LRRC4C: variants seen among roughly 807,000 people sequenced by gnomAD.
LRRC4C encodes the protein leucine-rich repeat-containing protein 4C.
Under a neutral mutation model 33.6 loss-of-function variants are expected in LRRC4C, and 5 were observed. The ratio of observed to expected loss-of-function variants is 0.15; its 90% CI spans 0.08 to 0.31. The LOEUF is 0.31. Among genes scored for constraint, LRRC4C ranks in the 10% least tolerant of loss-of-function variants. The pLI, the probability that LRRC4C is intolerant of heterozygous loss-of-function variation, is 1.00. For synonymous variants in LRRC4C, 329 were observed against 302.0 expected (o/e 1.09, Z -0.93); for missense variants, 560 against 796.7 (o/e 0.70, Z 3.58).
chr11:40,590,582 T>A (rs1053248872), intron 3 of LRRC4C, among the ~76,000 whole-genome samples: 1 of 151,960 alleles, frequency 6.6e-6, no homozygotes, highest in African/African-American at 2.4e-5. Flanking sequence ...AGCTTTTCTG[T>A]TCTGTTTTTT....
chr11:40,217,869 A>T (rs1475921766), intron 5 of LRRC4C, among the ~76,000 whole-genome samples: 1 of 152,172 alleles, frequency 6.6e-6, no homozygotes, highest in Non-Finnish European at 1.5e-5. Context: ...GTTCCAAATT[A>T]TTGAAGTTTA....
chr11:40,964,309 TA>T (rs1177930054), intron 1 of LRRC4C, among the ~76,000 whole-genome samples: 1 of 151,494 alleles, frequency 6.6e-6, no homozygotes, highest in Non-Finnish European at 1.5e-5. Flanking sequence ...ACAAAACAAA[TA>T]AAGCAAAAAG....
rs1435770127 is a variant in LRRC4C, at chr11:40,355,948, AGTATT to A, written c.-269-36232_-269-36228del. Reference sequence around the variant, plus strand: ...GTGTTTTACATTCATAGTATAGTATAGTATTGTATAGTATAGTATAGTATAGTACA... The same window carrying A: ...GTGTTTTACATTCATAGTATAGTATAGTATAGTATAGTATAGTATAGTACA... On this transcript the variant is annotated intron_variant, in intron 3 of 6. Coordinates refer to ENST00000528697, the MANE Select transcript of LRRC4C (RefSeq NM_001258419.2). Among the ~76,000 whole-genome samples the A allele has an allele frequency of 2.1e-3, 212 of 103,118 alleles. 1 individual carries two copies. Among genetic ancestry groups the A allele is most frequent in the South Asian group, 0.011 (31 of 2,710 alleles). The allele number at this position is 103,118 out of a possible 152,430, so 67.6% of individuals were successfully genotyped here.
At chr11:40,890,316 G>T (rs1955645353) in intron 2 of LRRC4C, among the ~76,000 whole-genome samples, 1 of 152,118 alleles carries the variant, frequency 6.6e-6, no homozygotes, top group African/African-American at 2.4e-5. Context: ...CTTGCTAGTG[G>T]AAGGTTGGGA....
chr11:40,497,062 G>A (rs1202099677), intron 3 of LRRC4C, among the ~76,000 whole-genome samples: 1 of 152,084 alleles, frequency 6.6e-6, no homozygotes, highest in Admixed American at 6.6e-5. Flanking sequence ...TAGCAGGGGA[G>A]AATGGGAAGA....
chr11:40,501,341 C>A (rs1335219358), intron 3 of LRRC4C, among the ~76,000 whole-genome samples: 1 of 152,168 alleles, frequency 6.6e-6, no homozygotes, highest in Non-Finnish European at 1.5e-5. Context: ...CACTAGGCAG[C>A]ACCCCAGTGG....
chr11:40,839,322 C>CCTCAGCAATT (rs1200484417), intron 2 of LRRC4C, among the ~76,000 whole-genome samples: 3 of 152,120 alleles, frequency 2.0e-5, no homozygotes, highest in Non-Finnish European at 4.4e-5. Flanking sequence ...GCAACCTCCG[C>CCTCAGCAATT]CTCAGCAATT....
intron 5 of LRRC4C, among the ~76,000 whole-genome samples, chr11:40,209,819 A>G (rs935307702): frequency 1.2e-4 from 19 of 152,232 alleles, no homozygotes; most frequent in Admixed American, 3.3e-4. Context: ...ATGTAAGCAT[A>G]AATCATAACA....
At chr11:40,427,159 T>C (rs1590700856) in intron 3 of LRRC4C, among the ~76,000 whole-genome samples, 1 of 152,074 alleles carries the variant, frequency 6.6e-6, no homozygotes, top group East Asian at 1.9e-4. Flanking sequence ...CAGAGAATGG[T>C]CCAAAATAAT....
At chr11:41,093,927 CAA>C (rs56173087) in intron 1 of LRRC4C, among the ~76,000 whole-genome samples, 5 of 59,002 alleles carry the variant, frequency 8.5e-5, no homozygotes, top group African/African-American at 1.3e-4. Flanking sequence ...CCGTCTCCAC[CAA>C]AAAAAAAAAA....
At chr11:40,686,959 G>C (rs923062691) in intron 2 of LRRC4C, among the ~76,000 whole-genome samples, 1 of 151,982 alleles carries the variant, frequency 6.6e-6, no homozygotes, top group African/African-American at 2.4e-5. Flanking sequence ...CAAAACCTCA[G>C]GCCACACGCA....
chr11:40,762,990 C>CA (rs762065195), intron 2 of LRRC4C, among the ~76,000 whole-genome samples: 4 of 150,402 alleles, frequency 2.7e-5, no homozygotes, highest in Admixed American at 2.0e-4. Context: ...GGGCTTGGCT[C>CA]AAAAATAAGA....
intron 3 of LRRC4C, among the ~76,000 whole-genome samples, chr11:40,636,489 C>T (rs1285675295): frequency 6.6e-6 from 1 of 151,564 alleles, no homozygotes; most frequent in Non-Finnish European, 1.5e-5. Flanking sequence ...AACTAAAGCC[C>T]CATACCATAA....
chr11:40,949,750 T>C (rs1285616093), intron 1 of LRRC4C, among the ~76,000 whole-genome samples: 5 of 151,770 alleles, frequency 3.3e-5, no homozygotes, highest in East Asian at 3.9e-4. Flanking sequence ...CAGTACCAGC[T>C]GCTGCAAAAT....
chr11:40,640,912 A>T (rs937869397), intron 3 of LRRC4C, among the ~76,000 whole-genome samples: 8 of 147,970 alleles, frequency 5.4e-5, no homozygotes, highest in African/African-American at 2.0e-4. Context: ...GCTACTCCGG[A>T]GGCTGAGGCA....
intron 2 of LRRC4C, among the ~76,000 whole-genome samples, chr11:40,881,845 T>C (rs926661463): frequency 1.3e-5 from 2 of 152,094 alleles, no homozygotes; most frequent in Non-Finnish European, 2.9e-5. Flanking sequence ...TTTAATAAAC[T>C]TGTGACTTGG....
intron 4 of LRRC4C, among the ~76,000 whole-genome samples, chr11:40,255,834 T>G (rs760622772): frequency 1.3e-5 from 2 of 152,186 alleles, no homozygotes; most frequent in Non-Finnish European, 2.9e-5. Context: ...GTTTGCCAAC[T>G]TCACTTATCT....
intron 1 of LRRC4C, among the ~76,000 whole-genome samples, chr11:41,074,711 G>A (rs1462216): frequency 0.35 from 52,914 of 151,968 alleles, 10,493 homozygotes; most frequent in South Asian, 0.45. Context: ...AATTACATCT[G>A]GAGTCCATAG....
At chr11:40,323,071 T>C (rs1057347452) in intron 3 of LRRC4C, among the ~76,000 whole-genome samples, 7 of 152,170 alleles carry the variant, frequency 4.6e-5, no homozygotes, top group Admixed American at 1.3e-4. Context: ...AAATTAAATG[T>C]TCAATACCCT....
Sources: gnomAD v4.1 joint callset for allele counts (sites outside exome capture counted in the v4.1 genomes callset) on GRCh38, gnomAD v4.1.1 for gene constraint, MANE v1.5 for transcripts, NCBI Gene and HGNC (gene_info 2026-07-23, HGNC 2026-07-21) for gene names.